The following UGT8 variants were observed in gnomAD, a reference collection of about 807,000 sequenced individuals.
UGT8 encodes the protein UDP glycosyltransferase 8.
UGT8 carries 12 observed loss-of-function variants against 40.5 expected under a neutral mutation model. The ratio of observed to expected loss-of-function variants is 0.30; its 90% confidence interval spans 0.19 to 0.48. The LOEUF is 0.48. Ranked by LOEUF, UGT8 falls within the 20% of genes least tolerant of loss-of-function variation. The pLI is 0.99. For missense variants in UGT8, 513 were observed against 648.7 expected, an observed-to-expected ratio of 0.79 and a Z score of 2.27; for synonymous variants, 224 against 240.4, an observed-to-expected ratio of 0.93 and a Z score of 0.63.
At chr4:114,650,424 A>G (rs10857033) in intron 2 of UGT8, among the ~76,000 whole-genome samples, 133,672 of 152,178 alleles carry the variant, frequency 0.88, 60,485 homozygotes, top group East Asian at 1. Flanking sequence ...TCCCACATGC[A>G]TAGCATTCCA....
chr4:114,644,438 T>C (rs1176909463), intron 2 of UGT8, among the ~76,000 whole-genome samples: 2 of 152,146 alleles, frequency 1.3e-5, no homozygotes, highest in Non-Finnish European at 2.9e-5. Flanking sequence ...TTGGAAGGCT[T>C]CCTGGACCCT....
At chr4:114,647,356 T>TGTGTG (rs1553934670) in intron 2 of UGT8, among the ~76,000 whole-genome samples, 2 of 143,200 alleles carry the variant, frequency 1.4e-5, no homozygotes, top group Non-Finnish European at 3.0e-5. Context: ...ATTAGCTCTT[T>TGTGTG]TGTGTGTGTG....
At position 114,636,625 on chromosome 4, in the gene UGT8, C is replaced by G. The variant is rs1048891293; in HGVS notation, c.822+12923C>G. ...CTCTTTAAAATATAGCCAGCCTTAT[C>G]AAAATTAAGTTTCTATTTAGCCTTT... On this transcript the variant is annotated intron_variant, in intron 2 of 5. Transcript: ENST00000310836. 1.8e-4 allele frequency among the ~76,000 whole-genome samples: 27 copies of G among 152,308 alleles called. No homozygotes were observed. In the South Asian group the frequency reaches 1.9e-3, roughly 11 times the overall value.
At chr4:114,631,548 A>G (rs78348679) in intron 2 of UGT8, among the ~76,000 whole-genome samples, 2,325 of 152,262 alleles carry the variant, frequency 0.015, 58 homozygotes, top group African/African-American at 0.052. Flanking sequence ...TTCCTTCAGT[A>G]TTGTATTCTC....
At chr4:114,633,096 C>G (rs1227874880) in intron 2 of UGT8, among the ~76,000 whole-genome samples, 1 of 152,094 alleles carries the variant, frequency 6.6e-6, no homozygotes, top group Non-Finnish European at 1.5e-5. Context: ...AAAGGTTTTA[C>G]AAATCACAAA....
rs535202340 is a variant in UGT8, at chr4:114,608,142, G to A, written c.-3+9168G>A. ...GGCATTCATTTCAGGATATCCCCCC[G>A]CTTGAGATGTCCTGCCTTTTTTTTC... On this transcript the variant is annotated intron_variant, in intron 1 of 5. Transcript: ENST00000310836. Among the ~76,000 whole-genome samples, 6 of 152,124 alleles carry A rather than the reference G, an allele frequency of 3.9e-5. No individual in the cohort carries two copies. In the South Asian group the frequency reaches 1.0e-3, roughly 26 times the overall value.
intron 1 of UGT8, among the ~76,000 whole-genome samples, chr4:114,614,881 C>T (rs945639392): frequency 2.1e-5 from 3 of 143,808 alleles, no homozygotes; most frequent in Non-Finnish European, 4.5e-5. Context: ...AAGTTTTAAC[C>T]AACAACAGGT....
chr4:114,634,115 A>T (rs1013156509), intron 2 of UGT8, among the ~76,000 whole-genome samples: 1 of 152,144 alleles, frequency 6.6e-6, no homozygotes, highest in African/African-American at 2.4e-5. Context: ...GTAGAATTGA[A>T]TGGGGTGAAG....
chr4:114,608,708 A>G (rs139900894), intron 1 of UGT8, among the ~76,000 whole-genome samples: 1,982 of 152,308 alleles, frequency 0.013, 31 homozygotes, highest in African/African-American at 0.035. Context: ...TGGGGCTTCT[A>G]TAGGTGGATG....
chr4:114,668,750 A>G (rs1404463521), intron 5 of UGT8, among the ~76,000 whole-genome samples: 1 of 152,208 alleles, frequency 6.6e-6, no homozygotes, highest in Admixed American at 6.5e-5. Flanking sequence ...TTCCCAAGAC[A>G]GTGTTCTTTG....
At chr4:114,634,209 G>A (rs1162018088) in intron 2 of UGT8, among the ~76,000 whole-genome samples, 1 of 152,142 alleles carries the variant, frequency 6.6e-6, no homozygotes, top group Non-Finnish European at 1.5e-5. Flanking sequence ...AAAGAGTAAG[G>A]GATGAAGAAG....
At chr4:114,649,946 A>G (rs908869245) in intron 2 of UGT8, among the ~76,000 whole-genome samples, 2 of 152,240 alleles carry the variant, frequency 1.3e-5, no homozygotes, top group Admixed American at 6.5e-5. Flanking sequence ...TTTAAATTCA[A>G]TAAACACTGA....
rs1014335162 is a variant in UGT8 at position 114,625,405 on chromosome 4, G to A, written c.822+1703G>A. On this transcript the variant is annotated intron_variant, in intron 2 of 5. Transcript: ENST00000310836. ...GCATGTCTATAGTCCCAGCTACTCA[G>A]GAGGCTGAGGTGGGAGGATCACTTG... Among the ~76,000 whole-genome samples the A allele has an allele frequency of 2.0e-5, 3 of 151,032 alleles. No homozygotes were observed. In the East Asian group the frequency reaches 5.9e-4, roughly 30 times the overall value.
intron 4 of UGT8, 101 bp downstream of exon 4, chr4:114,665,857 G>T: frequency 1.2e-6 from 1 of 862,798 alleles, no homozygotes. Context: ...ACGGTATACG[G>T]TATGTATGTA....
chr4:114,617,548 G>A (rs1731519591), intron 1 of UGT8, among the ~76,000 whole-genome samples: 1 of 152,102 alleles, frequency 6.6e-6, no homozygotes, highest in Admixed American at 6.5e-5. Context: ...TTGAATTTTG[G>A]ATTTTCTTCA....
chr4:114,665,350 G>A (rs890962377), intron 3 of UGT8: 1 of 983,328 alleles, frequency 1.0e-6, no homozygotes, highest in Admixed American at 6.2e-5. Context: ...GGCTGTTTGT[G>A]GGGAATAACT....
intron 1 of UGT8, among the ~76,000 whole-genome samples, chr4:114,611,546 T>TACACAC (rs35800753): frequency 7.1e-6 from 1 of 140,646 alleles, no homozygotes; most frequent in African/African-American, 2.6e-5. Flanking sequence ...TATATATATA[T>TACACAC]ACACACACAC....
chr4:114,620,177 T>C (rs1731696574), intron 1 of UGT8, among the ~76,000 whole-genome samples: 2 of 152,190 alleles, frequency 1.3e-5, no homozygotes, highest in Admixed American at 1.3e-4. Flanking sequence ...TTATTTATGA[T>C]AGATAAAGTA....
chr4:114,623,131 C>T lies in UGT8; in HGVS notation c.251C>T (p.Ala84Val), dbSNP rs1223268640. 5.6e-6 allele frequency: 9 copies of T among 1,614,002 alleles called. No homozygotes were observed. Among genetic ancestry groups the T allele is most frequent in the Admixed American group, 1.7e-5 (1 of 60,008 alleles). ...PGIFNSTTSD[A>V]FLQSKMRNIF... Reference sequence around the variant, plus strand: ...ATCTTTAACAGTACCACCTCAGATGCTTTCCTACAGTCCAAGATGCGGAAT... The same window carrying T: ...ATCTTTAACAGTACCACCTCAGATGTTTTCCTACAGTCCAAGATGCGGAAT... The change falls in exon 2 of 6, where the codon GCT (alanine) becomes GTT (valine). Residue 84 changes from alanine to valine, a missense_variant. By Grantham distance (64) the Ala-to-Val change is moderately conservative. Coordinates refer to ENST00000310836, the MANE Select transcript of UGT8 (RefSeq NM_001128174.3).
Sources: allele counts gnomAD v4.1 joint callset (sites outside exome capture counted in the v4.1 genomes callset), GRCh38; gene constraint gnomAD v4.1.1; transcripts MANE v1.5; gene names NCBI Gene and HGNC (gene_info 2026-07-23, HGNC 2026-07-21).